NEK11: variants seen among roughly 807,000 people sequenced by gnomAD.
The protein encoded by NEK11 is serine/threonine-protein kinase Nek11.
In NEK11, 72 loss-of-function variants were observed where a neutral mutation model predicts 80.7. The ratio of observed to expected loss-of-function variants is 0.89; its 90% CI spans 0.74 to 1.08. The LOEUF is 1.08. Ranked by LOEUF, NEK11 falls within the 50% of genes least tolerant of loss-of-function variation. NEK11 has a pLI of 0.00. For missense variants in NEK11, 764 were observed against 763.6 expected (o/e 1.00, Z -0.01); for synonymous variants, 251 against 260.7 (o/e 0.96, Z 0.36).
chr3:131,317,054 G>A (rs1415115543), intron 17 of NEK11, among the ~76,000 whole-genome samples: 1 of 152,056 alleles, frequency 6.6e-6, no homozygotes, highest in Admixed American at 6.6e-5. Context: ...TTTAATGCTG[G>A]GCCTTTAGGC....
chr3:131,333,604 T>C (rs1335033685), intron 17 of NEK11, among the ~76,000 whole-genome samples: 1 of 151,914 alleles, frequency 6.6e-6, no homozygotes, highest in Admixed American at 6.6e-5. Context: ...CAGGATCAAA[T>C]TCACACATAA....
chr3:131,212,254 A>G (rs961674405), intron 14 of NEK11, among the ~76,000 whole-genome samples: 1 of 152,166 alleles, frequency 6.6e-6, no homozygotes, highest in African/African-American at 2.4e-5. Flanking sequence ...AGTTTGCTGG[A>G]GGTCCACTCC....
intron 16 of NEK11, among the ~76,000 whole-genome samples, chr3:131,251,052 T>G (rs1381861091): frequency 6.6e-6 from 1 of 151,472 alleles, no homozygotes; most frequent in Non-Finnish European, 1.5e-5. Context: ...TGTGCATCTG[T>G]GTGTGTGTGT....
At chr3:131,055,133 T>A in intron 3 of NEK11, among the ~76,000 whole-genome samples, 1 of 152,226 alleles carries the variant, frequency 6.6e-6, no homozygotes, top group East Asian at 1.9e-4. Context: ...TTTGAAGACC[T>A]ATCTATCTCT....
chr3:131,207,063 T>A (rs2094461579), intron 14 of NEK11, among the ~76,000 whole-genome samples: 1 of 152,220 alleles, frequency 6.6e-6, no homozygotes, highest in African/African-American at 2.4e-5. Flanking sequence ...ATCCAGTCTA[T>A]CATTGATGGA....
rs115843928 is a variant in NEK11 at position 131,125,147 on chromosome 3, T to A, written c.456-7598T>A. Among the ~76,000 whole-genome samples the A allele has an allele frequency of 9.5e-3, 1,447 of 152,332 alleles. 20 individuals are homozygous for A. The highest frequency in any genetic ancestry group is 0.031 in the African/African-American group (1,292 of 41,568). ...TATTTGAATTAGGGGAAATTCTCAC[T>A]ATCATATCCAATTCTTCACTTTATA... On this transcript the variant is annotated intron_variant, in intron 5 of 17. Transcript: ENST00000383366.
At chr3:131,346,613 A>G (rs2097366666) in intron 17 of NEK11, among the ~76,000 whole-genome samples, 1 of 152,214 alleles carries the variant, frequency 6.6e-6, no homozygotes, top group Non-Finnish European at 1.5e-5. Context: ...GGTATTTGCG[A>G]GATAATGGTT....
At chr3:131,112,068 A>T (rs2080224509) in intron 5 of NEK11, among the ~76,000 whole-genome samples, 1 of 152,188 alleles carries the variant, frequency 6.6e-6, no homozygotes, top group African/African-American at 2.4e-5. Context: ...TGACCCAGTA[A>T]TTCTATTCCT....
intron 6 of NEK11, 69 bp downstream of exon 6, chr3:131,132,878 T>A: frequency 1.4e-6 from 1 of 691,758 alleles, no homozygotes; most frequent in South Asian, 1.9e-5. Context: ...CATATCAAAT[T>A]GAAGTAAATG....
At chr3:131,204,918 T>A (rs932645280) in intron 14 of NEK11, among the ~76,000 whole-genome samples, 1 of 152,140 alleles carries the variant, frequency 6.6e-6, no homozygotes, top group African/African-American at 2.4e-5. Flanking sequence ...CCTTGTGACT[T>A]CAAGATTTTC....
chr3:131,132,899 G>C (rs567442557), intron 6 of NEK11, 90 bp downstream of exon 6: 8 of 594,614 alleles, frequency 1.3e-5, no homozygotes, highest in African/African-American at 1.2e-4. Flanking sequence ...GTACGTGGAA[G>C]TATTAGAGTA....
chr3:131,054,752 A>G (rs1345276214), intron 3 of NEK11, among the ~76,000 whole-genome samples: 2 of 114,164 alleles, frequency 1.8e-5, no homozygotes, highest in Non-Finnish European at 3.6e-5. Flanking sequence ...CTGCCTCTAA[A>G]TAAATAAATA....
intron 7 of NEK11, among the ~76,000 whole-genome samples, chr3:131,146,179 T>C (rs771164908): frequency 6.6e-5 from 10 of 152,092 alleles, no homozygotes; most frequent in Non-Finnish European, 1.5e-4. Flanking sequence ...GGGGTGAGCA[T>C]AAATCATCAG....
chr3:131,116,286 C>A (rs2081219804), intron 5 of NEK11, among the ~76,000 whole-genome samples: 1 of 152,134 alleles, frequency 6.6e-6, no homozygotes, highest in Non-Finnish European at 1.5e-5. Flanking sequence ...TCTTCCATGT[C>A]CCTACAAAGA....
intron 17 of NEK11, among the ~76,000 whole-genome samples, chr3:131,277,540 A>T (rs1032909408): frequency 1.3e-5 from 2 of 152,210 alleles, no homozygotes; most frequent in Non-Finnish European, 2.9e-5. Flanking sequence ...CAGTTTAAGG[A>T]TATCAGGCAA....
At chr3:131,188,307 A>G (rs2093669641) in intron 14 of NEK11, among the ~76,000 whole-genome samples, 1 of 152,178 alleles carries the variant, frequency 6.6e-6, no homozygotes. Context: ...CCTCTAAAAG[A>G]TTTATTATTA....
chr3:131,346,499 C>T (rs2097364793), intron 17 of NEK11, among the ~76,000 whole-genome samples: 1 of 152,066 alleles, frequency 6.6e-6, no homozygotes, highest in South Asian at 2.1e-4. Flanking sequence ...ATGCTTTTCT[C>T]CATAAATATT....
intron 14 of NEK11, among the ~76,000 whole-genome samples, chr3:131,175,591 G>T (rs1311103046): frequency 3.3e-5 from 5 of 152,124 alleles, no homozygotes; most frequent in Admixed American, 6.5e-5. Context: ...TTGCCTGGGG[G>T]TGGTAGTGGT....
At chr3:131,328,367 A>G (rs1378167270) in intron 17 of NEK11, 1 of 152,196 alleles carries the variant, frequency 6.6e-6, no homozygotes, top group African/African-American at 2.4e-5. Flanking sequence ...AATTTGCTAA[A>G]TGAATGACTT....
Sources: gnomAD v4.1 joint callset for allele counts (sites outside exome capture counted in the v4.1 genomes callset) on GRCh38, gnomAD v4.1.1 for gene constraint, MANE v1.5 for transcripts, NCBI Gene and HGNC (gene_info 2026-07-23, HGNC 2026-07-21) for gene names.